The following SSR2 variants were observed in gnomAD, a reference collection of about 807,000 sequenced individuals.
The protein encoded by SSR2 is signal sequence receptor subunit 2, also known as translocon-associated protein subunit beta.
SSR2 carries 16 observed loss-of-function variants against 22.6 expected under a neutral mutation model. The ratio of observed to expected loss-of-function variants is 0.71; its 90% CI spans 0.48 to 1.08. The LOEUF (loss-of-function observed/expected upper bound fraction) is 1.08, where lower values mean the gene tolerates loss of function less well. Ranked by LOEUF, SSR2 falls within the 50% of genes least tolerant of loss-of-function variation. SSR2 has a pLI of 0.00. For synonymous variants in SSR2, 83 were observed against 91.2 expected (o/e 0.91, Z 0.51); for missense variants, 171 against 221.6 (o/e 0.77, Z 1.45).
chr1:156,009,417 A>G lies in SSR2; in HGVS notation c.*123T>C. The G allele has an allele frequency of 1.3e-6, 1 of 775,158 alleles. No homozygotes were observed. The highest frequency in any genetic ancestry group is 2.2e-6 in the Non-Finnish European group (1 of 454,662). 48.0% of individuals were successfully genotyped at this position (775,158 alleles called of 1,614,324 possible). Reference sequence around the variant, plus strand: ...GAGAGCAGGGCAGGATCCAGGAGAAAGTGGCCAAGGGCTAAGAGAGAAGAG... The same window carrying G: ...GAGAGCAGGGCAGGATCCAGGAGAAGGTGGCCAAGGGCTAAGAGAGAAGAG... On this transcript the variant is annotated 3_prime_UTR_variant, in exon 6 of 6. Coordinates refer to ENST00000295702, the MANE Select transcript of SSR2 (RefSeq NM_003145.4).
chr1:156,010,986 T>G (rs1682970351), intron 5 of SSR2: 1 of 152,066 alleles, frequency 6.6e-6, no homozygotes, highest in South Asian at 2.1e-4. Context: ...TTTTTTTTTT[T>G]TGACAGCGTT....
intron 2 of SSR2, among the ~76,000 whole-genome samples, chr1:156,018,736 C>T (rs900120133): frequency 7.3e-5 from 11 of 150,984 alleles, no homozygotes; most frequent in African/African-American, 1.5e-4. Context: ...AGCAATAGTC[C>T]GGGCGCAGTG....
At chr1:156,013,665 T>C (rs1683010349) in intron 4 of SSR2, 1 of 153,106 alleles carries the variant, frequency 6.5e-6, no homozygotes, top group African/African-American at 2.4e-5. Flanking sequence ...GGATGTAGGG[T>C]CTGTATGGGC....
intron 3 of SSR2, 58 bp downstream of exon 3, chr1:156,018,212 T>G (rs780180633): frequency 7.4e-7 from 1 of 1,344,994 alleles, no homozygotes; most frequent in Non-Finnish European, 1.1e-6. Context: ...CCCTGCTGCT[T>G]TGCAGGCAAG....
chr1:156,016,246 G>T lies in SSR2; in HGVS notation c.255-1177C>A, dbSNP rs113841413. Among the ~76,000 whole-genome samples the T allele has an allele frequency of 8.7e-3, 1,276 of 147,336 alleles. 20 individuals carry two copies. Among genetic ancestry groups the T allele is most frequent in the African/African-American group, 0.03 (1,206 of 40,142 alleles). ...AGCTCACAGAAAATCTTTTTTTTTT[G>T]TTTTTTTTTGACAGTCTCGCTCCGT... On this transcript the variant is annotated intron_variant, in intron 3 of 5. Transcript: ENST00000295702.
chr1:156,019,658 T>G (rs573321213), intron 2 of SSR2, among the ~76,000 whole-genome samples: 44 of 152,310 alleles, frequency 2.9e-4, no homozygotes, highest in African/African-American at 1.0e-3. Context: ...GTGCTGAGAT[T>G]ACAGGCGTGA....
intron 5 of SSR2, 94 bp downstream of exon 5, chr1:156,011,716 C>G (rs573905352): frequency 9.6e-7 from 1 of 1,036,540 alleles, no homozygotes; most frequent in Non-Finnish European, 1.5e-6. Context: ...AAGAACCAAC[C>G]AACAAAACAA....
intron 5 of SSR2, 181 bp downstream of exon 5, chr1:156,011,629 T>C: frequency 2.0e-6 from 1 of 504,330 alleles, no homozygotes; most frequent in African/African-American, 1.9e-5. Context: ...GTGATCTCAT[T>C]GCCAAAAATC....
intron 5 of SSR2, 87 bp downstream of exon 5, chr1:156,011,723 A>T: frequency 8.9e-7 from 1 of 1,123,254 alleles, no homozygotes; most frequent in Non-Finnish European, 1.3e-6. Context: ...AACCAACAAA[A>T]CAAATCTGTG....
At chr1:156,017,339 G>C (rs926916561) in intron 3 of SSR2, among the ~76,000 whole-genome samples, 1 of 152,050 alleles carries the variant, frequency 6.6e-6, no homozygotes, top group Admixed American at 6.6e-5. Flanking sequence ...CTTCATGCTA[G>C]CATCCCAGTG....
At chr1:156,020,534 C>A (rs1572259937) in intron 1 of SSR2, 1 of 306,622 alleles carries the variant, frequency 3.3e-6, no homozygotes. Flanking sequence ...TTCCCTCACA[C>A]AGGAGTGCCC....
chr1:156,015,536 ATATATAT>A (rs1459782704), intron 3 of SSR2, among the ~76,000 whole-genome samples: 28 of 33,006 alleles, frequency 8.5e-4, no homozygotes, highest in African/African-American at 2.8e-3. Context: ...AAAAAAAAAA[ATATATAT>A]ATATATATAT....
chr1:156,017,701 A>C (rs1446544249), intron 3 of SSR2, among the ~76,000 whole-genome samples: 1 of 104,248 alleles, frequency 9.6e-6, no homozygotes, highest in East Asian at 3.3e-4. Context: ...AAACATCTTT[A>C]TTAAGTGTCT....
intron 2 of SSR2, among the ~76,000 whole-genome samples, chr1:156,018,849 T>TA (rs1683102121): frequency 6.6e-6 from 1 of 150,548 alleles, no homozygotes; most frequent in Non-Finnish European, 1.5e-5. Flanking sequence ...ACTCCGTCTC[T>TA]AAAATACAAA....
At chr1:156,010,675 T>C (rs538778364) in intron 5 of SSR2, 1 of 152,374 alleles carries the variant, frequency 6.6e-6, no homozygotes, top group Non-Finnish European at 1.5e-5. Context: ...CAGACAATTT[T>C]TGAGAATGGA....
At chr1:156,012,957 A>C (rs10908487) in intron 4 of SSR2, 139,087 of 149,248 alleles carry the variant, frequency 0.93, 65,395 homozygotes, top group East Asian at 1. Flanking sequence ...ATATGGGAAA[A>C]AGAAATCTAA....
At chr1:156,015,967 A>G (rs1434869706) in intron 3 of SSR2, among the ~76,000 whole-genome samples, 1 of 151,946 alleles carries the variant, frequency 6.6e-6, no homozygotes, top group Non-Finnish European at 1.5e-5. Flanking sequence ...CCTGGCCAAC[A>G]TGGCGAAACC....
At chr1:156,015,523 A>C (rs1683040266) in intron 3 of SSR2, among the ~76,000 whole-genome samples, 1 of 119,518 alleles carries the variant, frequency 8.4e-6, no homozygotes, top group Non-Finnish European at 1.7e-5. Flanking sequence ...AAAAAAAAAA[A>C]AAAAAAAAAA....
At chr1:156,016,526 G>A (rs566155679) in intron 3 of SSR2, among the ~76,000 whole-genome samples, 4 of 151,966 alleles carry the variant, frequency 2.6e-5, no homozygotes, top group African/African-American at 9.6e-5. Flanking sequence ...GTAAGCCACC[G>A]CGCCTGGCCA....
Sources: gnomAD v4.1 joint callset for allele counts (sites outside exome capture counted in the v4.1 genomes callset) on GRCh38, gnomAD v4.1.1 for gene constraint, MANE v1.5 for transcripts, NCBI Gene and HGNC (gene_info 2026-07-23, HGNC 2026-07-21) for gene names.